Variants in UQCC1 observed in about 807,000 individuals in gnomAD.
UQCC1 encodes ubiquinol-cytochrome c reductase complex assembly factor 1.
Under a neutral mutation model 48.0 loss-of-function variants are expected in UQCC1, and 38 were observed. The observed-to-expected ratio is 0.79, with a 90% CI of 0.61 to 1.04. UQCC1 has a LOEUF of 1.04. UQCC1 is among the 50% of genes least tolerant of loss of function. The pLI is 0.00. For missense variants in UQCC1, 368 were observed against 381.8 expected (o/e 0.96, Z 0.30); for synonymous variants, 111 against 129.2 (o/e 0.86, Z 0.95).
At chr20:35,336,267 G>A (rs543016418) in intron 7 of UQCC1, among the ~76,000 whole-genome samples, 452 of 152,298 alleles carry the variant, frequency 3.0e-3, no homozygotes, top group African/African-American at 0.01. Context: ...CCTAACAGTG[G>A]TAGGTAGGCT....
intron 7 of UQCC1, among the ~76,000 whole-genome samples, chr20:35,328,487 C>T (rs1288394352): frequency 6.6e-6 from 1 of 152,118 alleles, no homozygotes; most frequent in Non-Finnish European, 1.5e-5. Flanking sequence ...ATGCTACAAG[C>T]GATGTAAGGT....
At chr20:35,322,403 G>A (rs1319150797) in intron 7 of UQCC1, among the ~76,000 whole-genome samples, 1 of 152,138 alleles carries the variant, frequency 6.6e-6, no homozygotes, top group Non-Finnish European at 1.5e-5. Context: ...AAATGCTATT[G>A]TTGTCCTGAT....
At chr20:35,375,372 C>T (rs915960775) in intron 4 of UQCC1, among the ~76,000 whole-genome samples, 2 of 152,142 alleles carry the variant, frequency 1.3e-5, no homozygotes, top group African/African-American at 4.8e-5. Context: ...GATTACGTCT[C>T]TGATTGTAAT....
chr20:35,343,947 C>G (rs556618097), intron 7 of UQCC1, among the ~76,000 whole-genome samples: 59 of 152,210 alleles, frequency 3.9e-4, no homozygotes, highest in African/African-American at 7.2e-5. Context: ...GGGCAGCACC[C>G]TATCTACAAC....
At chr20:35,319,640 A>C (rs2061100456) in intron 7 of UQCC1, among the ~76,000 whole-genome samples, 1 of 150,966 alleles carries the variant, frequency 6.6e-6, no homozygotes, top group Non-Finnish European at 1.5e-5. Context: ...AGTATATTAA[A>C]AAGGGAATGC....
chr20:35,331,156 G>A (rs1220013535), intron 7 of UQCC1, among the ~76,000 whole-genome samples: 1 of 152,136 alleles, frequency 6.6e-6, no homozygotes, highest in Non-Finnish European at 1.5e-5. Context: ...AGCCTGCTCA[G>A]CGCTTAACAG....
intron 6 of UQCC1, among the ~76,000 whole-genome samples, chr20:35,365,022 T>C (rs1429259189): frequency 6.6e-6 from 1 of 152,182 alleles, no homozygotes; most frequent in Non-Finnish European, 1.5e-5. Context: ...ACTTTTTCCC[T>C]TCAATATATG....
chr20:35,303,579 G>C lies in UQCC1; in HGVS notation c.*356C>G, dbSNP rs2060893738. On this transcript the variant is annotated 3_prime_UTR_variant, in exon 10 of 10. Coordinates refer to ENST00000374385, the MANE Select transcript of UQCC1 (RefSeq NM_018244.5). The stretch of plus-strand genomic sequence containing the variant: ...CTGCTCCTAGGCCACAGCAGGCCCT[G>C]GGGGGTTTCCCTTTTGAACCTACAC... The C allele has an allele frequency of 4.3e-6, 1 of 231,854 alleles. No individual in the cohort carries two copies. The highest frequency in any genetic ancestry group is 8.0e-5 in the South Asian group (1 of 12,526). 14.4% of individuals were successfully genotyped at this position (231,854 alleles called of 1,614,324 possible). A position where few individuals can be genotyped will look rare whatever the true frequency, so the allele number is the denominator to read the frequency against.
intron 7 of UQCC1, among the ~76,000 whole-genome samples, chr20:35,322,368 C>T (rs1249851654): frequency 1.3e-5 from 2 of 151,878 alleles, no homozygotes; most frequent in African/African-American, 4.9e-5. Flanking sequence ...CAACCACAAC[C>T]CTGCCCTCGA....
At chr20:35,310,586 C>T (rs1476988010) in intron 8 of UQCC1, among the ~76,000 whole-genome samples, 1 of 122,432 alleles carries the variant, frequency 8.2e-6, no homozygotes, top group Non-Finnish European at 1.6e-5. Flanking sequence ...GTGGAGGTTG[C>T]AGTAAGCTGA....
chr20:35,333,524 T>A (rs2061280651), intron 7 of UQCC1, among the ~76,000 whole-genome samples: 2 of 152,096 alleles, frequency 1.3e-5, no homozygotes, highest in South Asian at 4.1e-4. Flanking sequence ...GCATGGAAAT[T>A]CATCAGGACA....
At chr20:35,343,129 AC>A (rs1318110272) in intron 7 of UQCC1, among the ~76,000 whole-genome samples, 2 of 152,156 alleles carry the variant, frequency 1.3e-5, no homozygotes, top group Non-Finnish European at 2.9e-5. Context: ...AATCACTACT[AC>A]ATTGATTGGT....
chr20:35,367,180 G>T (rs1245901902), intron 5 of UQCC1, among the ~76,000 whole-genome samples: 1 of 150,534 alleles, frequency 6.6e-6, no homozygotes, highest in Non-Finnish European at 1.5e-5. Context: ...TTACCAGCTT[G>T]TTATGTGGCC....
At chr20:35,368,569 C>A (rs1014169839) in intron 5 of UQCC1, among the ~76,000 whole-genome samples, 2 of 152,134 alleles carry the variant, frequency 1.3e-5, no homozygotes, top group African/African-American at 4.8e-5. Context: ...ATCTGCATAC[C>A]AGATCTACTG....
intron 7 of UQCC1, among the ~76,000 whole-genome samples, chr20:35,338,888 A>ATATCTATATATATATAT (rs1231737299): frequency 2.0e-5 from 1 of 50,320 alleles, no homozygotes; most frequent in African/African-American, 2.7e-4. Flanking sequence ...AAAAAAAAAA[A>ATATCTATATATATATAT]AAAAATATAT....
At chr20:35,400,819 T>C (rs1362521924) in intron 1 of UQCC1, among the ~76,000 whole-genome samples, 1 of 152,126 alleles carries the variant, frequency 6.6e-6, no homozygotes, top group East Asian at 1.9e-4. Flanking sequence ...TAAGATAGGC[T>C]TCATGTTTTC....
At chr20:35,335,294 CTT>C (rs1162624356) in intron 7 of UQCC1, among the ~76,000 whole-genome samples, 2 of 152,070 alleles carry the variant, frequency 1.3e-5, no homozygotes, top group African/African-American at 4.8e-5. Context: ...CAGACATAAA[CTT>C]ATATATGAAT....
intron 1 of UQCC1, among the ~76,000 whole-genome samples, chr20:35,411,609 G>A (rs886242951): frequency 2.0e-5 from 3 of 152,128 alleles, no homozygotes; most frequent in Non-Finnish European, 2.9e-5. Flanking sequence ...TCAGGGACTA[G>A]AACCCAGGCC....
In UQCC1 at chr20:35,303,930, G is replaced by A; in HGVS notation, c.*5C>T. 2 of 1,614,166 alleles carry A rather than the reference G, an allele frequency of 1.2e-6. No homozygotes were observed. Among genetic ancestry groups the A allele is most frequent in the Non-Finnish European group, 1.7e-6 (2 of 1,180,006 alleles). On this transcript the variant is annotated 3_prime_UTR_variant, in exon 10 of 10. Transcript: ENST00000374385. ...GCTGGCGGGCCGTGCGGAGGGCCCA[G>A]CCCATCAAAGTCCCTCGTCGTTGTA...
Sources: allele counts gnomAD v4.1 joint callset (sites outside exome capture counted in the v4.1 genomes callset), GRCh38; gene constraint gnomAD v4.1.1; transcripts MANE v1.5; gene names NCBI Gene and HGNC (gene_info 2026-07-23, HGNC 2026-07-21).